FAM13A: variants seen among roughly 807,000 people sequenced by gnomAD.
FAM13A encodes the protein protein FAM13A.
In FAM13A, 76 loss-of-function variants were observed where a neutral mutation model predicts 129.6. That is an observed-to-expected ratio of 0.59 (90% confidence interval 0.49 to 0.71). The LOEUF (loss-of-function observed/expected upper bound fraction) is 0.71, where lower values mean the gene tolerates loss of function less well. FAM13A is among the 30% of genes least tolerant of loss of function. The pLI, the probability that FAM13A is intolerant of heterozygous loss-of-function variation, is 0.00. For synonymous variants in FAM13A, 443 were observed against 449.9 expected, an observed-to-expected ratio of 0.98 and a Z score of 0.20; for missense variants, 1,108 against 1,249.3, an observed-to-expected ratio of 0.89 and a Z score of 1.70.
chr4:88,979,297 G>A (rs570219070), intron 4 of FAM13A, among the ~76,000 whole-genome samples: 17 of 152,274 alleles, frequency 1.1e-4, no homozygotes, highest in Admixed American at 7.8e-4. Flanking sequence ...TTGATGATAC[G>A]CATACCCTTT....
At chr4:88,800,633 C>T (rs376621816) in intron 8 of FAM13A, among the ~76,000 whole-genome samples, 14 of 146,714 alleles carry the variant, frequency 9.5e-5, no homozygotes, top group East Asian at 4.0e-4. Context: ...TGCAGTGAGC[C>T]GAGATTGTGC....
chr4:88,737,749 A>G (rs1739296535), intron 20 of FAM13A, 194 bp from the exon 21 acceptor site: 1 of 597,108 alleles, frequency 1.7e-6, no homozygotes, highest in African/African-American at 1.9e-5. Context: ...TTCAGCGCCC[A>G]CACACATAAA....
At chr4:88,808,167 T>C (rs1185614793) in intron 7 of FAM13A, among the ~76,000 whole-genome samples, 1 of 152,270 alleles carries the variant, frequency 6.6e-6, no homozygotes, top group African/African-American at 2.4e-5. Flanking sequence ...AGTAATACAA[T>C]CTAAACAAAG....
intron 2 of FAM13A, among the ~76,000 whole-genome samples, chr4:89,028,206 C>CAAAAAAAAAAAAAAAA (rs35426702): frequency 1.3e-5 from 1 of 78,606 alleles, no homozygotes; most frequent in Non-Finnish European, 2.6e-5. Flanking sequence ...ACCTCCGTCT[C>CAAAAAAAAAAAAAAAA]AAAAAAAAAA....
At chr4:89,015,395 A>G (rs1027758300) in intron 3 of FAM13A, among the ~76,000 whole-genome samples, 2 of 152,166 alleles carry the variant, frequency 1.3e-5, no homozygotes, top group African/African-American at 4.8e-5. Flanking sequence ...TTGCGGGGGC[A>G]TCACGGAACC....
At chr4:88,855,163 A>G (rs1041261015) in intron 6 of FAM13A, among the ~76,000 whole-genome samples, 1 of 152,234 alleles carries the variant, frequency 6.6e-6, no homozygotes, top group African/African-American at 2.4e-5. Context: ...TGGAATTGCA[A>G]GAATAAATGG....
intron 6 of FAM13A, among the ~76,000 whole-genome samples, chr4:88,882,264 T>C (rs1250475448): frequency 6.6e-6 from 1 of 152,128 alleles, no homozygotes; most frequent in African/African-American, 2.4e-5. Context: ...GGAAAACCTA[T>C]CAGATTAACT....
intron 7 of FAM13A, among the ~76,000 whole-genome samples, chr4:88,825,306 C>T (rs1015669702): frequency 6.6e-6 from 1 of 151,720 alleles, no homozygotes; most frequent in African/African-American, 2.4e-5. Flanking sequence ...ATCTCCACCT[C>T]CCAGGTTCAA....
At chr4:88,802,533 G>C (rs1329231204) in intron 8 of FAM13A, among the ~76,000 whole-genome samples, 1 of 152,098 alleles carries the variant, frequency 6.6e-6, no homozygotes, top group Non-Finnish European at 1.5e-5. Context: ...ATTACAGAAA[G>C]GACTGAAGGT....
rs539739813 is a variant in FAM13A at position 89,030,045 on chromosome 4, C to A, written c.28-396G>T. The A allele has an allele frequency of 2.4e-5, 4 of 168,184 alleles. No individual in the cohort carries two copies. The East Asian group carries it at 5.5e-4, about 23-fold the overall frequency. The allele number at this position is 168,184 out of a possible 1,614,324, so 10.4% of individuals were successfully genotyped here. ...GATGTTTCTAAAGACAAAAATTTGT[C>A]TCGGTGTCATTTTAAGGTAGCTTTA... On this transcript the variant is annotated intron_variant, in intron 1 of 23. Coordinates refer to ENST00000264344, the MANE Select transcript of FAM13A (RefSeq NM_014883.4).
chr4:89,019,742 CAA>C (rs1248623810), intron 3 of FAM13A, among the ~76,000 whole-genome samples: 1 of 100,906 alleles, frequency 9.9e-6, no homozygotes, highest in Non-Finnish European at 1.8e-5. Flanking sequence ...GCCTGGGTGA[CAA>C]GAGTGAAACT....
At chr4:89,013,844 C>G (rs1161415576) in intron 3 of FAM13A, among the ~76,000 whole-genome samples, 1 of 152,142 alleles carries the variant, frequency 6.6e-6, no homozygotes, top group Non-Finnish European at 1.5e-5. Context: ...AAAAAATAAT[C>G]AATTCCCAGC....
chr4:88,919,000 A>G (rs189121629), intron 5 of FAM13A, among the ~76,000 whole-genome samples: 55 of 152,340 alleles, frequency 3.6e-4, no homozygotes, highest in Middle Eastern at 6.8e-3. Flanking sequence ...AGTGAATGAG[A>G]AATACATTTT....
Position 88,900,672 on chromosome 4 carries a change from G to A in FAM13A, c.843+5707C>T, listed in dbSNP as rs542509026. Among the ~76,000 whole-genome samples, 15 of 152,118 alleles carry A rather than the reference G, an allele frequency of 9.9e-5. No individual in the cohort carries two copies. In the South Asian group the frequency reaches 1.9e-3, roughly 19 times the overall value. On this transcript the variant is annotated intron_variant, in intron 6 of 23. Transcript: ENST00000264344. ...GCACTAAACATGGAAAAGAAAAACC[G>A]TTACCAGCCAATACAAAACCACACT...
chr4:88,939,952 C>T (rs934049168), intron 4 of FAM13A, among the ~76,000 whole-genome samples: 6 of 152,250 alleles, frequency 3.9e-5, no homozygotes, highest in African/African-American at 7.2e-5. Context: ...TAGATAAAAA[C>T]GCAACCCAGT....
Position 88,762,091 on chromosome 4 carries a change from G to A in FAM13A, c.1579-3190C>T, listed in dbSNP as rs1578537675. Among the ~76,000 whole-genome samples, 3 of 152,176 alleles carry A rather than the reference G, an allele frequency of 2.0e-5. No individual in the cohort carries two copies. In the East Asian group the frequency reaches 5.8e-4, roughly 29 times the overall value. On this transcript the variant is annotated intron_variant, in intron 13 of 23. Transcript: ENST00000264344. ...TCTCTGTGATAAAGTGACAGGAAGT[G>A]AGAAAGTGGGCCATTTGTGAAAAGA...
At chr4:88,867,752 T>G (rs1561202970) in intron 6 of FAM13A, among the ~76,000 whole-genome samples, 1 of 152,202 alleles carries the variant, frequency 6.6e-6, no homozygotes. Flanking sequence ...TTCAACAAAT[T>G]TATATATAAT....
intron 8 of FAM13A, among the ~76,000 whole-genome samples, chr4:88,790,874 T>A (rs912337508): frequency 6.6e-6 from 1 of 152,120 alleles, no homozygotes; most frequent in Non-Finnish European, 1.5e-5. Context: ...ATTCTATAAC[T>A]AAATTTGGAA....
intron 4 of FAM13A, among the ~76,000 whole-genome samples, chr4:88,969,292 G>T (rs1045162049): frequency 3.3e-5 from 5 of 152,152 alleles, no homozygotes; most frequent in Non-Finnish European, 7.3e-5. Flanking sequence ...AAAGTGACTT[G>T]TCCAGGCAGC....
Sources: gnomAD v4.1 joint callset for allele counts (sites outside exome capture counted in the v4.1 genomes callset) on GRCh38, gnomAD v4.1.1 for gene constraint, MANE v1.5 for transcripts, NCBI Gene and HGNC (gene_info 2026-07-23, HGNC 2026-07-21) for gene names.